Variants in SORCS2 observed in about 807,000 individuals in gnomAD.
SORCS2 encodes sortilin related VPS10 domain containing receptor 2.
In SORCS2, 100 loss-of-function variants were observed where a neutral mutation model predicts 141.6. That is an observed-to-expected ratio of 0.71 (90% confidence interval 0.60 to 0.83). The LOEUF (loss-of-function observed/expected upper bound fraction) is 0.83, where lower values mean the gene tolerates loss of function less well. SORCS2 is among the 40% of genes least tolerant of loss of function. The pLI is 0.00. For missense variants in SORCS2, 1,646 were observed against 1,560.2 expected (o/e 1.05, Z -0.93); for synonymous variants, 789 against 676.9 (o/e 1.17, Z -2.57).
intron 1 of SORCS2, among the ~76,000 whole-genome samples, chr4:7,359,054 G>C (rs574074736): frequency 2.0e-5 from 3 of 152,170 alleles, no homozygotes; most frequent in Non-Finnish European, 4.4e-5. Flanking sequence ...CTAGTACTTC[G>C]GGAGGCCGAG....
chr4:7,575,903 T>A lies in SORCS2; in HGVS notation c.648+44274T>A, dbSNP rs150231218. On this transcript the variant is annotated intron_variant, in intron 3 of 26. Transcript: ENST00000507866. ...AGGAAGGTGAATTATCTGTTGTTTC[T>A]GTTTCTGTTCAGTAATTTGACAACT... Among the ~76,000 whole-genome samples, 406 of 152,380 alleles carry A rather than the reference T, an allele frequency of 2.7e-3. 1 individual carries two copies. The highest frequency in any genetic ancestry group is 9.1e-3 in the African/African-American group (379 of 41,600).
At chr4:7,472,619 A>G (rs778381639) in intron 2 of SORCS2, among the ~76,000 whole-genome samples, 1 of 152,070 alleles carries the variant, frequency 6.6e-6, no homozygotes, top group Non-Finnish European at 1.5e-5. Context: ...TGTTTCTTTC[A>G]CACACGCCGC....
intron 1 of SORCS2, among the ~76,000 whole-genome samples, chr4:7,269,879 C>G (rs1302420714): frequency 1.3e-5 from 2 of 152,112 alleles, no homozygotes; most frequent in South Asian, 2.1e-4. Flanking sequence ...GTGGATTGTA[C>G]TACTTATTTT....
intron 2 of SORCS2, among the ~76,000 whole-genome samples, chr4:7,511,952 G>C (rs984909737): frequency 6.6e-6 from 1 of 152,206 alleles, no homozygotes; most frequent in Non-Finnish European, 1.5e-5. Flanking sequence ...GTCCTGGAGG[G>C]GCACGCGCTG....
At position 7,741,012 on chromosome 4, in the gene SORCS2, G is replaced by T; in HGVS notation, c.*748G>T. On this transcript the variant is annotated 3_prime_UTR_variant, in exon 27 of 27. Transcript: ENST00000507866. Reference sequence around the variant, plus strand: ...GGTTCTCCCCAGGGCAGACGGGGTAGGGCGGGCTCAGGACCCAGTGCCCAT... The same window carrying T: ...GGTTCTCCCCAGGGCAGACGGGGTATGGCGGGCTCAGGACCCAGTGCCCAT... The T allele has an allele frequency of 2.5e-6, 1 of 398,722 alleles. No homozygotes were observed. Among genetic ancestry groups the T allele is most frequent in the South Asian group, 1.3e-4 (1 of 7,804 alleles). The allele number at this position is 398,722 out of a possible 1,614,324, so 24.7% of individuals were successfully genotyped here.
chr4:7,690,292 G>T (rs539782175), intron 11 of SORCS2, among the ~76,000 whole-genome samples: 122 of 136,792 alleles, frequency 8.9e-4, no homozygotes, highest in Admixed American at 3.2e-3. Flanking sequence ...GATGCATGAT[G>T]GATGGATGAT....
chr4:7,355,226 C>A (rs946936887), intron 1 of SORCS2, among the ~76,000 whole-genome samples: 1 of 152,132 alleles, frequency 6.6e-6, no homozygotes, highest in Non-Finnish European at 1.5e-5. Context: ...GTCCCCTTCA[C>A]TCTCCCTTCT....
chr4:7,240,147 C>T (rs1053878650), intron 1 of SORCS2, among the ~76,000 whole-genome samples: 2 of 152,158 alleles, frequency 1.3e-5, no homozygotes, highest in African/African-American at 2.4e-5. Flanking sequence ...GTGATGACCC[C>T]GGCCCCACGG....
At chr4:7,655,225 A>G (rs1309279171) in intron 5 of SORCS2, among the ~76,000 whole-genome samples, 3 of 151,918 alleles carry the variant, frequency 2.0e-5, no homozygotes, top group Non-Finnish European at 4.4e-5. Context: ...ACACACACAC[A>G]CAGTGCTAGC....
At chr4:7,582,363 C>G (rs1484745949) in intron 3 of SORCS2, among the ~76,000 whole-genome samples, 6 of 152,234 alleles carry the variant, frequency 3.9e-5, no homozygotes, top group Admixed American at 3.9e-4. Flanking sequence ...TTAAATACAT[C>G]ATGATTATGT....
chr4:7,600,656 T>TATACACAC (rs1304491103), intron 3 of SORCS2, among the ~76,000 whole-genome samples: 135 of 140,984 alleles, frequency 9.6e-4, no homozygotes, highest in African/African-American at 3.6e-3. Context: ...CATATATATA[T>TATACACAC]ACACACACAC....
chr4:7,714,106 T>A, intron 15 of SORCS2, 134 bp from the exon 16 acceptor site: 2 of 1,313,666 alleles, frequency 1.5e-6, no homozygotes, highest in Non-Finnish European at 2.0e-6. Context: ...CACGCCCCAT[T>A]ATGGGCCTCA....
At chr4:7,374,505 T>A (rs573150985) in intron 1 of SORCS2, among the ~76,000 whole-genome samples, 1 of 152,246 alleles carries the variant, frequency 6.6e-6, no homozygotes, top group Non-Finnish European at 1.5e-5. Flanking sequence ...CCCCAGACAT[T>A]GTCTGCGTGT....
At chr4:7,685,612 A>G (rs1401479552) in intron 10 of SORCS2, among the ~76,000 whole-genome samples, 1 of 152,212 alleles carries the variant, frequency 6.6e-6, no homozygotes, top group Non-Finnish European at 1.5e-5. Context: ...TGGAAGTTGC[A>G]GTGAGCTGAG....
chr4:7,309,574 T>C (rs972711380), intron 1 of SORCS2, among the ~76,000 whole-genome samples: 1 of 152,216 alleles, frequency 6.6e-6, no homozygotes, highest in Non-Finnish European at 1.5e-5. Context: ...CACAGGCATG[T>C]GGCTTTGGCT....
chr4:7,697,731 G>A (rs1724802704), intron 12 of SORCS2, among the ~76,000 whole-genome samples: 2 of 151,638 alleles, frequency 1.3e-5, no homozygotes, highest in Admixed American at 1.3e-4. Context: ...TCCTGGCAGG[G>A]GCTGTGGACA....
intron 1 of SORCS2, among the ~76,000 whole-genome samples, chr4:7,268,605 C>A (rs116195371): frequency 0.042 from 6,463 of 152,280 alleles, 225 homozygotes; most frequent in South Asian, 0.13. Context: ...AGGGGCCATG[C>A]AGACAGTAAA....
intron 3 of SORCS2, among the ~76,000 whole-genome samples, chr4:7,591,562 C>T (rs1338477160): frequency 6.6e-6 from 1 of 152,194 alleles, no homozygotes; most frequent in African/African-American, 2.4e-5. Context: ...CATGCTCTCC[C>T]GGGTGGTCAC....
intron 2 of SORCS2, among the ~76,000 whole-genome samples, chr4:7,416,563 T>TGC (rs1026048092): frequency 2.6e-5 from 4 of 151,908 alleles, no homozygotes; most frequent in African/African-American, 9.7e-5. Flanking sequence ...CATGTGCACA[T>TGC]GCACACACAC....
Sources: gnomAD v4.1 joint callset for allele counts (sites outside exome capture counted in the v4.1 genomes callset) on GRCh38, gnomAD v4.1.1 for gene constraint, MANE v1.5 for transcripts, NCBI Gene and HGNC (gene_info 2026-07-23, HGNC 2026-07-21) for gene names.